Variants in CDH13 observed in about 807,000 individuals in gnomAD.
CDH13 encodes the protein cadherin 13, also known as cadherin-13.
CDH13 carries 24 observed loss-of-function variants against 63.8 expected under a neutral mutation model. The observed-to-expected ratio is 0.38, with a 90% CI of 0.27 to 0.53. The LOEUF (loss-of-function observed/expected upper bound fraction) is 0.53, where lower values mean the gene tolerates loss of function less well. Ranked by LOEUF, CDH13 falls within the 20% of genes least tolerant of loss-of-function variation. The pLI, the probability that CDH13 is intolerant of heterozygous loss-of-function variation, is 0.85. For synonymous variants in CDH13, 503 were observed against 355.3 expected (o/e 1.42, Z -4.67); for missense variants, 1,049 against 903.1 (o/e 1.16, Z -2.07).
chr16:82,865,095 C>T (rs2040080219), intron 2 of CDH13, among the ~76,000 whole-genome samples: 2 of 152,254 alleles, frequency 1.3e-5, no homozygotes, highest in Admixed American at 6.5e-5. Context: ...TGGGTTCTCA[C>T]AGTCTTGGGC....
rs148897456 is a variant in CDH13 at position 83,122,202 on chromosome 16, A to G, written c.367-3183A>G. On this transcript the variant is annotated intron_variant, in intron 3 of 13. Transcript: ENST00000567109. Reference sequence around the variant, plus strand: ...TTTCAGTCCTCTGATCAGATCAAAGAGGAAGTCTCAGCTTGGTGCTAACAC... The same window carrying G: ...TTTCAGTCCTCTGATCAGATCAAAGGGGAAGTCTCAGCTTGGTGCTAACAC... Among the ~76,000 whole-genome samples, 34 of 152,364 alleles carry G rather than the reference A, an allele frequency of 2.2e-4. No homozygotes were observed. In the East Asian group the frequency reaches 6.2e-3, roughly 28 times the overall value.
chr16:83,487,212 C>T (rs545134715), intron 7 of CDH13, among the ~76,000 whole-genome samples: 95 of 152,316 alleles, frequency 6.2e-4, no homozygotes, highest in African/African-American at 2.1e-3. Context: ...ACAGGTGACC[C>T]CTGGCCCAGT....
chr16:82,888,365 T>A (rs1242420662), intron 2 of CDH13, among the ~76,000 whole-genome samples: 3 of 152,194 alleles, frequency 2.0e-5, no homozygotes, highest in Non-Finnish European at 4.4e-5. Flanking sequence ...GGGTTGCCTG[T>A]GACTGTCATC....
chr16:83,322,670 G>A (rs951864671), intron 5 of CDH13, among the ~76,000 whole-genome samples: 7 of 152,110 alleles, frequency 4.6e-5, no homozygotes, highest in African/African-American at 1.7e-4. Context: ...TGAACTCTGG[G>A]ACTGTCAAGA....
chr16:83,448,317 G>A (rs1038480132), intron 6 of CDH13, among the ~76,000 whole-genome samples: 1 of 152,120 alleles, frequency 6.6e-6, no homozygotes, highest in Non-Finnish European at 1.5e-5. Flanking sequence ...CACCATCATG[G>A]TAGCTAGACA....
intron 5 of CDH13, among the ~76,000 whole-genome samples, chr16:83,269,579 A>C (rs568264592): frequency 2.6e-5 from 4 of 152,272 alleles, no homozygotes; most frequent in Admixed American, 1.3e-4. Context: ...CCCAGTAAGA[A>C]TTCTGGGATC....
chr16:83,415,343 A>C (rs1015011176), intron 6 of CDH13, among the ~76,000 whole-genome samples: 6 of 152,194 alleles, frequency 3.9e-5, no homozygotes, highest in Non-Finnish European at 8.8e-5. Flanking sequence ...CAAACATTTA[A>C]AGAATTGATG....
At chr16:83,464,818 A>C (rs550733760) in intron 6 of CDH13, among the ~76,000 whole-genome samples, 1 of 152,172 alleles carries the variant, frequency 6.6e-6, no homozygotes, top group Admixed American at 6.5e-5. Context: ...AGAAAGTGAT[A>C]ATGTATTTTT....
rs1380434864 is a variant in CDH13, at chr16:83,126,244, G to GGAGAGCACACCAAACAAAA, written c.483+747_483+765dup. ...GTGCTGCTTGTACTTCTGGCCACTG[G>GGAGAGCACACCAAACAAAA]GAGAGCACACCAAACAAAAGAGGGA... On this transcript the variant is annotated intron_variant, in intron 4 of 13. Transcript: ENST00000567109. Among the ~76,000 whole-genome samples the GGAGAGCACACCAAACAAAA allele has an allele frequency of 1.8e-4, 27 of 152,286 alleles. No individual in the cohort carries two copies. The East Asian group carries it at 2.3e-3, about 13-fold the overall frequency.
intron 5 of CDH13, among the ~76,000 whole-genome samples, chr16:83,257,898 A>C (rs1272705705): frequency 1.3e-5 from 2 of 152,212 alleles, no homozygotes; most frequent in South Asian, 2.1e-4. Flanking sequence ...ATGTATAAGC[A>C]GTCCTTTTTC....
intron 2 of CDH13, among the ~76,000 whole-genome samples, chr16:82,984,381 C>T (rs190819058): frequency 1.6e-4 from 25 of 152,272 alleles, no homozygotes; most frequent in East Asian, 1.5e-3. Flanking sequence ...AATGTACCTC[C>T]GAATCTGGCA....
intron 6 of CDH13, among the ~76,000 whole-genome samples, chr16:83,468,030 T>C (rs1225539082): frequency 1.3e-5 from 2 of 152,234 alleles, no homozygotes; most frequent in African/African-American, 4.8e-5. Flanking sequence ...GTGTATCAGC[T>C]GAGGAAGCAT....
chr16:83,234,054 T>C (rs1451725124), intron 5 of CDH13, among the ~76,000 whole-genome samples: 1 of 152,220 alleles, frequency 6.6e-6, no homozygotes, highest in East Asian at 1.9e-4. Context: ...GGGGTTCCCC[T>C]CTTCTGCTGG....
intron 3 of CDH13, among the ~76,000 whole-genome samples, chr16:83,115,941 G>T (rs1313569793): frequency 6.6e-6 from 1 of 152,218 alleles, no homozygotes; most frequent in African/African-American, 2.4e-5. Flanking sequence ...GTATTTAGGA[G>T]ATCCTCCAAC....
At chr16:83,531,721 C>G (rs2075088240) in intron 7 of CDH13, among the ~76,000 whole-genome samples, 1 of 152,082 alleles carries the variant, frequency 6.6e-6, no homozygotes, top group South Asian at 2.1e-4. Context: ...TCTCTAGAAG[C>G]AAAAAAGGCA....
intron 5 of CDH13, among the ~76,000 whole-genome samples, chr16:83,332,196 T>C (rs761882125): frequency 2.0e-5 from 3 of 152,132 alleles, no homozygotes; most frequent in Non-Finnish European, 2.9e-5. Context: ...TTTCATATAA[T>C]ATTTTAGTTG....
rs538986865 is a variant in CDH13, at chr16:83,716,010, T to C, written c.1539-32098T>C. ...CCCAGTATATGCAATTTACCTTTAA[T>C]GTCATCTTCTTGGTACAGTCTTCCA... On this transcript the variant is annotated intron_variant, in intron 10 of 13. Transcript: ENST00000567109. 4.6e-5 allele frequency among the ~76,000 whole-genome samples: 7 copies of C among 152,360 alleles called. No homozygotes were observed. In the South Asian group the frequency reaches 1.4e-3, roughly 32 times the overall value.
At chr16:82,817,177 A>G (rs1387889502) in intron 1 of CDH13, among the ~76,000 whole-genome samples, 2 of 151,340 alleles carry the variant, frequency 1.3e-5, no homozygotes, top group Non-Finnish European at 3.0e-5. Flanking sequence ...TTCGCCCCCC[A>G]CTGCAGGTAC....
chr16:83,450,795 G>C (rs142705210), intron 6 of CDH13, among the ~76,000 whole-genome samples: 1 of 152,154 alleles, frequency 6.6e-6, no homozygotes, highest in African/African-American at 2.4e-5. Context: ...GCGTGAACCC[G>C]GGAGGCGGAG....
Sources: gnomAD v4.1 joint callset for allele counts (sites outside exome capture counted in the v4.1 genomes callset) on GRCh38, gnomAD v4.1.1 for gene constraint, MANE v1.5 for transcripts, NCBI Gene and HGNC (gene_info 2026-07-23, HGNC 2026-07-21) for gene names.